The following PIK3CB variants were observed in gnomAD, a reference collection of about 807,000 sequenced individuals.
The protein encoded by PIK3CB is phosphatidylinositol-4,5-bisphosphate 3-kinase catalytic subunit beta, also known as phosphatidylinositol 4,5-bisphosphate 3-kinase catalytic subunit beta isoform.
In PIK3CB, 39 loss-of-function variants were observed where a neutral mutation model predicts 136.8. That is an observed-to-expected ratio of 0.29 (90% CI 0.22 to 0.37). PIK3CB has a LOEUF of 0.37. Among genes scored for constraint, PIK3CB ranks in the 10% least tolerant of loss-of-function variants. The probability of loss-of-function intolerance (pLI) is 1.00; values close to 1 mark genes in which losing one functional copy is unlikely to be tolerated. For synonymous variants in PIK3CB, 428 were observed against 436.6 expected, an observed-to-expected ratio of 0.98 and a Z score of 0.25; for missense variants, 868 against 1,275.4, an observed-to-expected ratio of 0.68 and a Z score of 4.87.
chr3:138,757,380 G>A (rs143926774), intron 3 of PIK3CB, among the ~76,000 whole-genome samples: 2 of 151,686 alleles, frequency 1.3e-5, no homozygotes, highest in East Asian at 3.9e-4. Flanking sequence ...CTCCAGTCTG[G>A]CGACAGAGCG....
At chr3:138,755,549 T>C (rs2045549511) in intron 4 of PIK3CB, among the ~76,000 whole-genome samples, 1 of 152,158 alleles carries the variant, frequency 6.6e-6, no homozygotes, top group Non-Finnish European at 1.5e-5. Context: ...CCTTGGATGC[T>C]ATGGCAATAT....
intron 19 of PIK3CB, among the ~76,000 whole-genome samples, chr3:138,666,222 T>G (rs1395330132): frequency 6.6e-6 from 1 of 152,144 alleles, no homozygotes; most frequent in Non-Finnish European, 1.5e-5. Context: ...CCAGGCTGAG[T>G]GCAGTGACAC....
chr3:138,754,562 A>G (rs2045530501), intron 4 of PIK3CB, among the ~76,000 whole-genome samples: 1 of 152,254 alleles, frequency 6.6e-6, no homozygotes, highest in African/African-American at 2.4e-5. Context: ...ATATATAAGA[A>G]AAAATTTTGT....
At chr3:138,676,855 G>A (rs1467973681) in intron 19 of PIK3CB, among the ~76,000 whole-genome samples, 2 of 152,042 alleles carry the variant, frequency 1.3e-5, no homozygotes, top group African/African-American at 4.8e-5. Flanking sequence ...GAGGGGGTTG[G>A]GGGTAACAGC....
Position 138,714,655 on chromosome 3 carries a change from T to C in PIK3CB, c.1115A>G (p.Glu372Gly). 2 of 1,612,572 alleles carry C rather than the reference T, an allele frequency of 1.2e-6. No individual in the cohort carries two copies. The highest frequency in any genetic ancestry group is 1.7e-6 in the Non-Finnish European group (2 of 1,178,626). The change falls in exon 9 of 24, where the codon GAG becomes GGG. Residue 372 changes from glutamate to glycine, a missense_variant. This residue lies in a region of PIK3CB where 612 missense variants were observed against 801.1 expected (regional missense o/e 0.76). Transcript: ENST00000674063. ...AATATGATCATTTTTCCCTGATACC[T>C]CTGAGCTTACGATGGTTTTACACAG... ...ELLCKTIVSS[E>G]VSGKNDHIWN...
chr3:138,713,464 G>A (rs2044546181), intron 9 of PIK3CB, among the ~76,000 whole-genome samples: 1 of 152,012 alleles, frequency 6.6e-6, no homozygotes, highest in Non-Finnish European at 1.5e-5. Flanking sequence ...AAGGTCAGGG[G>A]TTCAAGACCA....
chr3:138,779,713 T>C (rs2045902894), intron 2 of PIK3CB, among the ~76,000 whole-genome samples: 1 of 136,414 alleles, frequency 7.3e-6, no homozygotes, highest in African/African-American at 2.6e-5. Context: ...TTTTTTTTAA[T>C]AGAGACAGTG....
intron 2 of PIK3CB, among the ~76,000 whole-genome samples, chr3:138,788,981 A>AC (rs1172192086): frequency 1.8e-5 from 2 of 109,526 alleles, no homozygotes; most frequent in Non-Finnish European, 4.1e-5. Flanking sequence ...AAAAAAAAAA[A>AC]AAAAAAAAAA....
intron 4 of PIK3CB, among the ~76,000 whole-genome samples, chr3:138,750,682 T>C (rs760579975): frequency 2.6e-5 from 4 of 152,156 alleles, no homozygotes; most frequent in Non-Finnish European, 5.9e-5. Context: ...CAGTGACCAA[T>C]GTCTCCCCTT....
chr3:138,723,412 G>A lies in PIK3CB; in HGVS notation c.1051-8693C>T, dbSNP rs183404272. Among the ~76,000 whole-genome samples, 113 of 152,186 alleles carry A rather than the reference G, an allele frequency of 7.4e-4. 2 individuals carry two copies. The highest frequency in any genetic ancestry group is 7.3e-3 in the Admixed American group (111 of 15,288). On this transcript the variant is annotated intron_variant, in intron 8 of 23. Coordinates refer to ENST00000674063, the MANE Select transcript of PIK3CB (RefSeq NM_006219.3). ...CTCAAAATACAAAAAATAGCCGGGCGTGGTGGTGTGGGCCTATGATCCCAG... is the reference window on the plus strand; with the variant it reads ...CTCAAAATACAAAAAATAGCCGGGCATGGTGGTGTGGGCCTATGATCCCAG...
chr3:138,714,531 C>T lies in PIK3CB; in HGVS notation c.1239G>A (p.Thr413=), dbSNP rs779253261. ...AVYAVLDKVK[T]KKSTKTINPS... is the part of the protein sequence containing the mutation. ...GATTAATAGTTTTCGTTGATTTCTTCGTTTTTACTTTATCCAAAACTGCAT... is the reference window on the plus strand; with the variant it reads ...GATTAATAGTTTTCGTTGATTTCTTTGTTTTTACTTTATCCAAAACTGCAT... The change falls in exon 9 of 24, where the codon ACG becomes ACA. Residue 413 remains threonine (T), a synonymous_variant. Transcript: ENST00000674063. 13 of 1,612,132 alleles carry T rather than the reference C, an allele frequency of 8.1e-6. No homozygotes were observed. The highest frequency in any genetic ancestry group is 1.1e-5 in the South Asian group (1 of 91,014).
At chr3:138,662,419 T>C (rs1284458929) in intron 21 of PIK3CB, among the ~76,000 whole-genome samples, 1 of 151,086 alleles carries the variant, frequency 6.6e-6, no homozygotes, top group African/African-American at 2.5e-5. Flanking sequence ...ATTTCATCCA[T>C]GTCCCTACAA....
At chr3:138,688,783 A>G (rs1274932784) in intron 16 of PIK3CB, 92 bp downstream of exon 16, 2 of 733,158 alleles carry the variant, frequency 2.7e-6, no homozygotes, top group Non-Finnish European at 4.7e-6. Flanking sequence ...CAAGTACCAA[A>G]TTGAACATGA....
intron 5 of PIK3CB, among the ~76,000 whole-genome samples, chr3:138,738,177 T>G (rs1381787583): frequency 6.6e-6 from 1 of 151,952 alleles, no homozygotes; most frequent in African/African-American, 2.4e-5. Context: ...GAACATCTCA[T>G]CTTTTTTTTT....
At chr3:138,714,043 T>C (rs1467895533) in intron 9 of PIK3CB, among the ~76,000 whole-genome samples, 1 of 152,190 alleles carries the variant, frequency 6.6e-6, no homozygotes, top group East Asian at 1.9e-4. Flanking sequence ...CCCCACAAGA[T>C]ATGTTGAGTC....
chr3:138,663,986 C>A lies in PIK3CB; in HGVS notation c.2716G>T (p.Ala906Ser). Residue 906 changes from alanine to serine, a missense_variant, in exon 21 of 24, where the codon GCT becomes TCT. Transcript: ENST00000674063. ...ACATAAGAAGCTACACAGTAGCCAG[C>A]ACAGGACAGTGTAAATTCCTCAATG... ...RAIEEFTLSCAGYCVASYVLG... is the reference protein window; with the variant it reads ...RAIEEFTLSCSGYCVASYVLG... 2 of 1,613,968 alleles carry A rather than the reference C, an allele frequency of 1.2e-6. No homozygotes were observed. The highest frequency in any genetic ancestry group is 1.7e-6 in the Non-Finnish European group (2 of 1,179,922).
intron 8 of PIK3CB, among the ~76,000 whole-genome samples, chr3:138,732,890 A>G (rs527258959): frequency 6.6e-6 from 1 of 151,496 alleles, no homozygotes; most frequent in Non-Finnish European, 1.5e-5. Flanking sequence ...GTTTTTTTTG[A>G]GTAAGGAGTG....
chr3:138,680,086 G>A (rs72984734), intron 19 of PIK3CB, among the ~76,000 whole-genome samples: 1,613 of 151,950 alleles, frequency 0.011, 39 homozygotes, highest in African/African-American at 0.037. Flanking sequence ...AAGACAGGGG[G>A]CGGCGACTCA....
chr3:138,738,906 G>A (rs1329799401), intron 5 of PIK3CB, among the ~76,000 whole-genome samples: 1 of 152,132 alleles, frequency 6.6e-6, no homozygotes, highest in East Asian at 1.9e-4. Context: ...AATTTAAGAT[G>A]TCTTACATTC....
Sources: gnomAD v4.1 joint callset for allele counts (sites outside exome capture counted in the v4.1 genomes callset) on GRCh38, gnomAD v4.1.1 for gene constraint, gnomAD v4.1.1 regional missense constraint, MANE v1.5 for transcripts, NCBI Gene and HGNC (gene_info 2026-07-23, HGNC 2026-07-21) for gene names.